Variants in SIPA1L1 observed in about 807,000 individuals in gnomAD.
The protein encoded by SIPA1L1 is signal induced proliferation associated 1 like 1, also known as signal-induced proliferation-associated 1-like protein 1.
In SIPA1L1, 26 loss-of-function variants were observed where a neutral mutation model predicts 162.7. The ratio of observed to expected loss-of-function variants is 0.16; its 90% CI spans 0.12 to 0.22. SIPA1L1 has a LOEUF of 0.22. Among genes scored for constraint, SIPA1L1 ranks in the 10% least tolerant of loss-of-function variants. SIPA1L1 has a pLI of 1.00. For synonymous variants in SIPA1L1, 829 were observed against 837.4 expected (o/e 0.99, Z 0.17); for missense variants, 1,874 against 2,241.0 (o/e 0.84, Z 3.31).
chr14:71,716,964 A>C lies in SIPA1L1; in HGVS notation c.4209-6683A>C, dbSNP rs1184515394. On this transcript the variant is annotated intron_variant, in intron 17 of 23. Transcript: ENST00000381232. ...TGCCAGGCTGGAGTGCAGTAGCACG[A>C]TCTTGGCTCACTGCAACCTCTGCCG... is the stretch of plus-strand genomic sequence containing the variant. Among the ~76,000 whole-genome samples, 2 of 152,234 alleles carry C rather than the reference A, an allele frequency of 1.3e-5. 1 individual carries two copies. Among genetic ancestry groups the C allele is most frequent in the Admixed American group, 1.3e-4 (2 of 15,288 alleles).
chr14:71,351,320 A>G (rs772609750), intron 2 of SIPA1L1, among the ~76,000 whole-genome samples: 1 of 152,258 alleles, frequency 6.6e-6, no homozygotes, highest in Non-Finnish European at 1.5e-5. Context: ...AAAGCTGTTG[A>G]AATGGCTAGC....
intron 2 of SIPA1L1, among the ~76,000 whole-genome samples, chr14:71,462,240 G>A (rs1253591523): frequency 6.6e-6 from 1 of 152,212 alleles, no homozygotes; most frequent in Non-Finnish European, 1.5e-5. Flanking sequence ...AGGCGGCAGA[G>A]CCTTGCTCCA....
In SIPA1L1 at chr14:71,476,528, A is replaced by T. The variant is rs187365668; in HGVS notation, c.-464-36215A>T. Reference sequence around the variant, plus strand: ...TATCTTTAAAACTCATTTCTGTGGCAGTTTTCAGTACCATATTTATGTAAG... The same window carrying T: ...TATCTTTAAAACTCATTTCTGTGGCTGTTTTCAGTACCATATTTATGTAAG... On this transcript the variant is annotated intron_variant, in intron 2 of 23. Coordinates refer to ENST00000381232, the MANE Select transcript of SIPA1L1 (RefSeq NM_001386936.1). 1.5e-3 allele frequency among the ~76,000 whole-genome samples: 228 copies of T among 152,272 alleles called. 2 individuals carry two copies. Among genetic ancestry groups the T allele is most frequent in the Admixed American group, 2.2e-3 (33 of 15,306 alleles).
chr14:71,417,737 G>C (rs936729922), intron 2 of SIPA1L1, among the ~76,000 whole-genome samples: 1 of 151,930 alleles, frequency 6.6e-6, no homozygotes, highest in African/African-American at 2.4e-5. Flanking sequence ...GACATGCACA[G>C]TTCAAACTCG....
At chr14:71,598,852 C>T (rs533150602) in intron 5 of SIPA1L1, among the ~76,000 whole-genome samples, 2 of 152,120 alleles carry the variant, frequency 1.3e-5, no homozygotes, top group Non-Finnish European at 2.9e-5. Context: ...ATCAGTAGAT[C>T]GTTGCTAATA....
intron 17 of SIPA1L1, among the ~76,000 whole-genome samples, chr14:71,713,412 A>G (rs2083025581): frequency 6.6e-6 from 1 of 152,236 alleles, no homozygotes; most frequent in Admixed American, 6.5e-5. Context: ...GTAAACTGTC[A>G]TGTCTACATA....
chr14:71,688,824 T>C (rs1416792893), intron 13 of SIPA1L1, among the ~76,000 whole-genome samples: 1 of 152,230 alleles, frequency 6.6e-6, no homozygotes, highest in East Asian at 1.9e-4. Context: ...TGTGGCGTAA[T>C]ATTGTGACTA....
intron 7 of SIPA1L1, among the ~76,000 whole-genome samples, chr14:71,626,120 G>T (rs1271707455): frequency 6.6e-6 from 1 of 152,178 alleles, no homozygotes; most frequent in Non-Finnish European, 1.5e-5. Context: ...GCATTAAAAT[G>T]TCCCTTCCTT....
Position 71,671,842 on chromosome 14 carries a change from C to G in SIPA1L1, c.2829+150C>G, listed in dbSNP as rs546829962. On this transcript the variant is annotated intron_variant, in intron 11 of 23. Transcript: ENST00000381232. ...TGAAGCAAACAGAGTTTATCTCATG[C>G]TTGTGTTTTCCATGGATGTTTCGGA... The G allele has an allele frequency of 1.5e-4, 95 of 633,526 alleles. 1 individual carries two copies. In the African/African-American group the frequency reaches 1.6e-3, roughly 11 times the overall value. The allele number at this position is 633,526 out of a possible 1,614,324, so 39.2% of individuals were successfully genotyped here. A position where few individuals can be genotyped will look rare whatever the true frequency, so the allele number is the denominator to read the frequency against.
chr14:71,405,800 A>G (rs908177125), intron 2 of SIPA1L1, among the ~76,000 whole-genome samples: 2 of 152,208 alleles, frequency 1.3e-5, no homozygotes, highest in African/African-American at 2.4e-5. Flanking sequence ...CATGTCTTCC[A>G]CAGGCATCTA....
intron 2 of SIPA1L1, among the ~76,000 whole-genome samples, chr14:71,343,757 T>C (rs1177304353): frequency 6.6e-6 from 1 of 152,180 alleles, no homozygotes; most frequent in Non-Finnish European, 1.5e-5. Flanking sequence ...GACCATGCTG[T>C]GGAAGCAGCA....
rs180741358 is a variant in SIPA1L1 at position 71,682,961 on chromosome 14, C to T, written c.3105-2401C>T. On this transcript the variant is annotated intron_variant, in intron 12 of 23. Coordinates refer to ENST00000381232, the MANE Select transcript of SIPA1L1 (RefSeq NM_001386936.1). The stretch of plus-strand genomic sequence containing the variant: ...TTGAGCTCAGGAGTTTGAGACCAAC[C>T]TGTGCAACATGGTGAAACCCTGTCT... Among the ~76,000 whole-genome samples the T allele has an allele frequency of 1.7e-3, 254 of 152,278 alleles. 1 individual carries two copies. Among genetic ancestry groups the T allele is most frequent in the African/African-American group, 5.4e-3 (223 of 41,572 alleles).
At chr14:71,417,501 A>AAAAAAAAAAAAAAAAC (rs2042885820) in intron 2 of SIPA1L1, among the ~76,000 whole-genome samples, 1 of 146,198 alleles carries the variant, frequency 6.8e-6, no homozygotes, top group Non-Finnish European at 1.5e-5. Context: ...AAAAAAAAAA[A>AAAAAAAAAAAAAAAAC]AAGAAAATCC....
Position 71,375,203 on chromosome 14 carries a change from C to T in SIPA1L1, c.-465+54022C>T, listed in dbSNP as rs117909826. ...CCTCTGGGGAGCTGCCATTTTGGAA[C>T]TTCTTTTTACCACCATCTTGGGGAT... On this transcript the variant is annotated intron_variant, in intron 2 of 23. Coordinates refer to ENST00000381232, the MANE Select transcript of SIPA1L1 (RefSeq NM_001386936.1). Among the ~76,000 whole-genome samples, 720 of 152,214 alleles carry T rather than the reference C, an allele frequency of 4.7e-3. 4 individuals are homozygous for T. The highest frequency in any genetic ancestry group is 0.011 in the South Asian group (53 of 4,828).
At chr14:71,738,881 C>T (rs1489359609) in intron 23 of SIPA1L1, 137 bp from the exon 24 acceptor site, 1 of 943,760 alleles carries the variant, frequency 1.1e-6, no homozygotes, top group East Asian at 2.5e-5. Flanking sequence ...TGATACCAGT[C>T]CGTTTAGACA....
rs2045180997 is a variant in SIPA1L1 at position 71,444,405 on chromosome 14, G to GT, written c.-464-68336dup. On this transcript the variant is annotated intron_variant, in intron 2 of 23. Transcript: ENST00000381232. ...ATTCCATTCAGTACTTTTTTGGGGG[G>GT]TTATAGGATAGCGTTTTGAAATCAG... 3.3e-5 allele frequency among the ~76,000 whole-genome samples: 5 copies of GT among 152,196 alleles called. No homozygotes were observed. The South Asian group carries it at 1.0e-3, about 32-fold the overall frequency.
intron 2 of SIPA1L1, among the ~76,000 whole-genome samples, chr14:71,409,393 G>T (rs1025883982): frequency 6.6e-6 from 1 of 152,140 alleles, no homozygotes; most frequent in Non-Finnish European, 1.5e-5. Context: ...AGAGAGACTG[G>T]CTCTTTCTGA....
chr14:71,348,206 G>A (rs145732582), intron 2 of SIPA1L1, among the ~76,000 whole-genome samples: 44 of 152,190 alleles, frequency 2.9e-4, no homozygotes, highest in Non-Finnish European at 5.0e-4. Context: ...ACCATGCAGG[G>A]TCAACACAGA....
At chr14:71,507,041 A>G (rs1313031473) in intron 2 of SIPA1L1, among the ~76,000 whole-genome samples, 3 of 152,108 alleles carry the variant, frequency 2.0e-5, no homozygotes. Context: ...TGTTCTTTTT[A>G]AGCCAAATGT....
Sources: allele counts gnomAD v4.1 joint callset (sites outside exome capture counted in the v4.1 genomes callset), GRCh38; gene constraint gnomAD v4.1.1; transcripts MANE v1.5; gene names NCBI Gene and HGNC (gene_info 2026-07-23, HGNC 2026-07-21).